SYT16: variants seen among roughly 807,000 people sequenced by gnomAD.
The protein encoded by SYT16 is synaptotagmin-16.
In SYT16, 42 loss-of-function variants were observed where a neutral mutation model predicts 61.4. The ratio of observed to expected loss-of-function variants is 0.68; its 90% CI spans 0.53 to 0.89. SYT16 has a LOEUF of 0.89. Ranked by LOEUF, SYT16 falls within the 40% of genes least tolerant of loss-of-function variation. SYT16 has a pLI of 0.00. For synonymous variants in SYT16, 314 were observed against 302.3 expected (o/e 1.04, Z -0.40); for missense variants, 804 against 807.3 (o/e 1.00, Z 0.05).
chr14:61,964,946 G>GT (rs1416425461), intron 1 of SYT16, among the ~76,000 whole-genome samples: 4 of 151,882 alleles, frequency 2.6e-5, no homozygotes, highest in Admixed American at 1.3e-4. Flanking sequence ...TATGCACATG[G>GT]TTTTTTAAAG....
intron 5 of SYT16, among the ~76,000 whole-genome samples, chr14:62,079,690 T>C (rs957059494): frequency 6.6e-6 from 1 of 152,232 alleles, no homozygotes; most frequent in Non-Finnish European, 1.5e-5. Context: ...TGGTTTGCAA[T>C]AAGAATCAGA....
At chr14:61,960,045 T>C (rs1292815814) in intron 1 of SYT16, among the ~76,000 whole-genome samples, 1 of 152,206 alleles carries the variant, frequency 6.6e-6, no homozygotes, top group Non-Finnish European at 1.5e-5. Context: ...TTGCTCAGGC[T>C]GGTCTCGAAC....
At chr14:61,988,240 A>G (rs1310844468) in intron 2 of SYT16, among the ~76,000 whole-genome samples, 2 of 152,174 alleles carry the variant, frequency 1.3e-5, no homozygotes, top group African/African-American at 2.4e-5. Flanking sequence ...AAAGGCAAGT[A>G]TAGTCTAATA....
chr14:61,839,950 A>C (rs2046255858), intron 1 of SYT16, among the ~76,000 whole-genome samples: 1 of 151,584 alleles, frequency 6.6e-6, no homozygotes, highest in Non-Finnish European at 1.5e-5. Flanking sequence ...AGGGAAAGGG[A>C]GAGGAGAAGG....
intron 3 of SYT16, among the ~76,000 whole-genome samples, chr14:62,066,600 T>C (rs2056070593): frequency 6.6e-6 from 1 of 152,230 alleles, no homozygotes; most frequent in African/African-American, 2.4e-5. Flanking sequence ...TTTTTATTCC[T>C]TCCTGGCTTC....
At chr14:62,055,229 G>A (rs927974280) in intron 3 of SYT16, among the ~76,000 whole-genome samples, 5 of 152,156 alleles carry the variant, frequency 3.3e-5, no homozygotes, top group Non-Finnish European at 5.9e-5. Context: ...TGCCACCATA[G>A]TAGGAAAACA....
At chr14:62,065,490 A>G (rs1036590621) in intron 3 of SYT16, among the ~76,000 whole-genome samples, 1 of 152,216 alleles carries the variant, frequency 6.6e-6, no homozygotes, top group African/African-American at 2.4e-5. Context: ...TCTGTGGATG[A>G]TCAATGGCTC....
At chr14:61,974,000 A>G (rs994208665) in intron 2 of SYT16, among the ~76,000 whole-genome samples, 3 of 152,278 alleles carry the variant, frequency 2.0e-5, no homozygotes, top group Middle Eastern at 3.4e-3. Flanking sequence ...AGAGTGCCGC[A>G]TGCTTCTTTT....
intron 7 of SYT16, among the ~76,000 whole-genome samples, chr14:62,085,919 A>G (rs947653601): frequency 4.6e-5 from 7 of 152,218 alleles, no homozygotes; most frequent in Admixed American, 3.9e-4. Context: ...TTGCCTTCTG[A>G]ACTTTTGCTA....
In SYT16 at chr14:61,889,270, C is replaced by T. The variant is rs182020184; in HGVS notation, c.-325+76460C>T. 8.0e-4 allele frequency among the ~76,000 whole-genome samples: 122 copies of T among 152,156 alleles called. 2 individuals carry two copies. The highest frequency in any genetic ancestry group is 3.8e-3 in the Admixed American group (58 of 15,298). ...CAAAGATAAGGGGTTACTGGCTAAG[C>T]CAAATTGTTATAATTATTGCTGAAG... is the stretch of plus-strand genomic sequence containing the variant. On this transcript the variant is annotated intron_variant, in intron 1 of 7. Transcript: ENST00000683842.
At position 62,080,947 on chromosome 14, in the gene SYT16, G is replaced by T. The variant is rs747549129; in HGVS notation, c.1107G>T (p.Val369=). The T allele has an allele frequency of 3.1e-6, 5 of 1,611,680 alleles. No homozygotes were observed. The African/African-American group carries it at 5.3e-5, about 17-fold the overall frequency. Residue 369 remains valine (V), a synonymous_variant, in exon 6 of 8, where the codon GTG becomes GTT. Coordinates refer to ENST00000683842, the MANE Select transcript of SYT16 (RefSeq NM_001367656.1). ...GAGCCGCCAGCCAGAAGCTCACAGT[G>T]ACCATTGTGAGGGCACAGGGCCTCC... is the stretch of plus-strand genomic sequence containing the variant. The part of the protein sequence containing the change: ...EYRAASQKLT[V]TIVRAQGLPD...
At chr14:62,019,107 A>G (rs1566769595) in intron 3 of SYT16, among the ~76,000 whole-genome samples, 1 of 152,226 alleles carries the variant, frequency 6.6e-6, no homozygotes, top group Non-Finnish European at 1.5e-5. Flanking sequence ...AGCTATTGAC[A>G]TGTAAGGAAA....
At chr14:61,851,868 C>G (rs1246381878) in intron 1 of SYT16, among the ~76,000 whole-genome samples, 2 of 152,072 alleles carry the variant, frequency 1.3e-5, no homozygotes, top group Non-Finnish European at 2.9e-5. Flanking sequence ...CTTATCTCTT[C>G]CCTCTGATAA....
intron 3 of SYT16, among the ~76,000 whole-genome samples, chr14:62,014,687 G>A (rs542295222): frequency 7.9e-5 from 12 of 152,138 alleles, no homozygotes; most frequent in Admixed American, 7.8e-4. Context: ...ACCCGCCTTG[G>A]CTTCCCGAAG....
chr14:62,013,638 T>C (rs2053552271), intron 3 of SYT16, among the ~76,000 whole-genome samples: 1 of 152,162 alleles, frequency 6.6e-6, no homozygotes, highest in Non-Finnish European at 1.5e-5. Context: ...CCCACCTCCT[T>C]CAACTTTACC....
At chr14:61,996,583 G>T in intron 3 of SYT16, 41 bp downstream of exon 3, 1 of 1,537,312 alleles carries the variant, frequency 6.5e-7, no homozygotes, top group East Asian at 2.3e-5. Flanking sequence ...TTCCTCCAAA[G>T]AGCATTTCTA....
At chr14:61,853,405 A>C (rs1008547624) in intron 1 of SYT16, among the ~76,000 whole-genome samples, 1 of 152,196 alleles carries the variant, frequency 6.6e-6, no homozygotes, top group African/African-American at 2.4e-5. Flanking sequence ...GTGTCTCCCC[A>C]AGTACATGTG....
intron 1 of SYT16, among the ~76,000 whole-genome samples, chr14:61,835,383 C>A (rs1372502408): frequency 6.6e-6 from 1 of 151,486 alleles, no homozygotes; most frequent in East Asian, 1.9e-4. Context: ...TTCAGCCTCC[C>A]AAGTAACTGG....
At chr14:61,997,782 AG>A (rs2052828432) in intron 3 of SYT16, among the ~76,000 whole-genome samples, 1 of 152,060 alleles carries the variant, frequency 6.6e-6, no homozygotes, top group South Asian at 2.1e-4. Flanking sequence ...ATTCTTGAAA[AG>A]GTTGAACTAT....
Sources: gnomAD v4.1 joint callset for allele counts (sites outside exome capture counted in the v4.1 genomes callset) on GRCh38, gnomAD v4.1.1 for gene constraint, MANE v1.5 for transcripts, NCBI Gene and HGNC (gene_info 2026-07-23, HGNC 2026-07-21) for gene names.